The following SMAP2 variants were observed in gnomAD, a reference collection of about 807,000 sequenced individuals.
The protein encoded by SMAP2 is small ArfGAP2.
In SMAP2, 25 loss-of-function variants were observed where a neutral mutation model predicts 56.4. The ratio of observed to expected loss-of-function variants is 0.44; its 90% CI spans 0.32 to 0.62. The LOEUF is 0.62. SMAP2 is among the 20% of genes least tolerant of loss of function. The probability of loss-of-function intolerance (pLI) is 0.04; values close to 1 mark genes in which losing one functional copy is unlikely to be tolerated. For missense variants in SMAP2, 388 were observed against 545.6 expected, an observed-to-expected ratio of 0.71 and a Z score of 2.88; for synonymous variants, 157 against 181.7, an observed-to-expected ratio of 0.86 and a Z score of 1.09.
At chr1:40,348,700 C>T (rs1264800585) in intron 1 of SMAP2, among the ~76,000 whole-genome samples, 1 of 151,778 alleles carries the variant, frequency 6.6e-6, no homozygotes, top group African/African-American at 2.4e-5. Flanking sequence ...AATTAATAAA[C>T]TTATGAAAAA....
chr1:40,346,002 A>C (rs1171772921), intron 1 of SMAP2, among the ~76,000 whole-genome samples: 6 of 113,106 alleles, frequency 5.3e-5, no homozygotes, highest in African/African-American at 2.0e-4. Context: ...TTTAAGAGAC[A>C]GGTCTTGCTG....
chr1:40,414,301 C>G, intron 6 of SMAP2, 61 bp downstream of exon 6: 1 of 1,501,080 alleles, frequency 6.7e-7, no homozygotes, highest in Admixed American at 1.7e-5. Flanking sequence ...CTCAGTGACC[C>G]TGGAAGATAG....
intron 1 of SMAP2, among the ~76,000 whole-genome samples, chr1:40,394,466 C>T (rs530451085): frequency 6.6e-6 from 1 of 152,162 alleles, no homozygotes; most frequent in Non-Finnish European, 1.5e-5. Flanking sequence ...AGGGACTGGC[C>T]TCTAACGGAA....
rs569806286 is a variant in SMAP2, at chr1:40,386,191, G to A, written c.103+11968G>A. 7.9e-5 allele frequency among the ~76,000 whole-genome samples: 12 copies of A among 152,276 alleles called. No individual in the cohort carries two copies. The highest frequency in any genetic ancestry group is 3.3e-4 in the Admixed American group (5 of 15,298). ...AATAGCTGAAAACAGCAGAGCTGACGGAAACCAATTTGAGTGTGACAGCTG... is the reference window on the plus strand; with the variant it reads ...AATAGCTGAAAACAGCAGAGCTGACAGAAACCAATTTGAGTGTGACAGCTG... On this transcript the variant is annotated intron_variant, in intron 1 of 9. Coordinates refer to ENST00000372718, the MANE Select transcript of SMAP2 (RefSeq NM_022733.3). The surrounding 1 kb of genome is among the most constrained non-coding windows in gnomAD (Gnocchi z 4.1).
Position 40,409,883 on chromosome 1 carries a change from A to G in SMAP2, c.402+48A>G, listed in dbSNP as rs201075963. 26 of 1,232,222 alleles carry G rather than the reference A, an allele frequency of 2.1e-5. No homozygotes were observed. The Middle Eastern group carries it at 5.6e-4, about 27-fold the overall frequency. 76.3% of individuals were successfully genotyped at this position (1,232,222 alleles called of 1,614,324 possible). On this transcript the variant is annotated intron_variant, in intron 4 of 9. Transcript: ENST00000372718. ...TTTGTCCACAATAAGTAATGTGCTT[A>G]TTAAATCAGGCCAGAGAACACGTTG...
intron 1 of SMAP2, among the ~76,000 whole-genome samples, chr1:40,351,029 A>G (rs1644407235): frequency 6.6e-6 from 1 of 152,208 alleles, no homozygotes; most frequent in African/African-American, 2.4e-5. Flanking sequence ...CTCCTTACCC[A>G]GAATCACAAG....
Position 40,356,595 on chromosome 1 carries a change from A to G in SMAP2, c.-82-5705A>G, listed in dbSNP as rs565293630. On this transcript the variant is annotated intron_variant, in intron 1 of 6. Coordinates refer to the SMAP2 transcript ENST00000435168. ...CCAGCTAATTTTTTGTATTTTTGGT[A>G]GAGACGGGGTTTCACTGTGTCAACC... Among the ~76,000 whole-genome samples the G allele has an allele frequency of 8.6e-5, 13 of 152,040 alleles. No individual in the cohort carries two copies. The South Asian group carries it at 2.3e-3, about 27-fold the overall frequency.
intron 1 of SMAP2, among the ~76,000 whole-genome samples, chr1:40,361,930 G>A (rs1644461731): frequency 6.6e-6 from 1 of 152,196 alleles, no homozygotes; most frequent in African/African-American, 2.4e-5. Flanking sequence ...GAAGCCTGTG[G>A]CCAATGCAAA....
At chr1:40,417,260 G>C (rs1644998682) in intron 9 of SMAP2, among the ~76,000 whole-genome samples, 164 bp downstream of exon 9, 1 of 131,910 alleles carries the variant, frequency 7.6e-6, no homozygotes, top group Non-Finnish European at 1.6e-5. Context: ...TAGAAGGTCT[G>C]TCTAAAGTCA....
Position 40,386,773 on chromosome 1 carries a change from A to G in SMAP2, c.103+12550A>G, listed in dbSNP as rs1252278285. 6.6e-6 allele frequency among the ~76,000 whole-genome samples: 1 copy of G among 151,936 alleles called. No individual in the cohort carries two copies. On this transcript the variant is annotated intron_variant, in intron 1 of 9. Transcript: ENST00000372718. The surrounding 1 kb of genome is among the most constrained non-coding windows in gnomAD (Gnocchi z 4.1). Reference sequence around the variant, plus strand: ...TAAAACAACAACAACTTTATCTTTTATGATTCTGAAACCTATCCACGATAA... The same window carrying G: ...TAAAACAACAACAACTTTATCTTTTGTGATTCTGAAACCTATCCACGATAA...
intron 4 of SMAP2, among the ~76,000 whole-genome samples, chr1:40,411,758 A>G (rs1644937829): frequency 1.3e-5 from 2 of 152,236 alleles, no homozygotes; most frequent in Admixed American, 6.5e-5. Flanking sequence ...TTTAACTTAA[A>G]TGAAATGTCG....
chr1:40,396,583 T>C (rs1319589947), intron 1 of SMAP2, among the ~76,000 whole-genome samples: 6 of 152,248 alleles, frequency 3.9e-5, no homozygotes. Flanking sequence ...ACAACATTCT[T>C]GCAAGATGGC....
intron 8 of SMAP2, 140 bp downstream of exon 8, chr1:40,416,481 A>G (rs1644988423): frequency 1.1e-6 from 1 of 906,778 alleles, no homozygotes; most frequent in Non-Finnish European, 1.7e-6. Flanking sequence ...TGACCAACGT[A>G]TCAGCAGATG....
At chr1:40,392,422 T>C (rs952540147) in intron 1 of SMAP2, among the ~76,000 whole-genome samples, 1 of 152,124 alleles carries the variant, frequency 6.6e-6, no homozygotes, top group Admixed American at 6.5e-5. Context: ...TTTGCTGGAG[T>C]AATTACCCAC....
intron 1 of SMAP2, among the ~76,000 whole-genome samples, chr1:40,389,169 G>A (rs1644691689): frequency 6.6e-6 from 1 of 152,196 alleles, no homozygotes; most frequent in African/African-American, 2.4e-5. Context: ...TTATATACCT[G>A]ATGTGCGGAA....
intron 1 of SMAP2, among the ~76,000 whole-genome samples, chr1:40,357,091 A>T (rs187498921): frequency 1.3e-5 from 2 of 152,174 alleles, no homozygotes. Flanking sequence ...AATGGTTTGC[A>T]CATTTTTTTC....
At position 40,374,334 on chromosome 1, in the gene SMAP2, T is replaced by C. The variant is rs1569836419; in HGVS notation, c.103+111T>C. On this transcript the variant is annotated intron_variant, in intron 1 of 9. Coordinates refer to ENST00000372718, the MANE Select transcript of SMAP2 (RefSeq NM_022733.3). This position sits in a 1 kb window ranked among gnomAD's most constrained non-coding sequence, Gnocchi z 5.9. Reference sequence around the variant, plus strand: ...TAGGCCGCCCAACTCGGCTTATAAGTGGTAACGCGTGCTGCGCTTGCAGTG... The same window carrying C: ...TAGGCCGCCCAACTCGGCTTATAAGCGGTAACGCGTGCTGCGCTTGCAGTG... The C allele has an allele frequency of 2.3e-6, 2 of 877,578 alleles. No individual in the cohort carries two copies. Among genetic ancestry groups the C allele is most frequent in the Non-Finnish European group, 3.7e-6 (2 of 539,242 alleles). The allele number at this position is 877,578 out of a possible 1,614,324, so 54.4% of individuals were successfully genotyped here.
chr1:40,352,305 C>T (rs1644412155), intron 1 of SMAP2, among the ~76,000 whole-genome samples: 1 of 152,046 alleles, frequency 6.6e-6, no homozygotes, highest in Non-Finnish European at 1.5e-5. Flanking sequence ...TGGCCCTCAC[C>T]CTCTGTCCAG....
intron 9 of SMAP2, 75 bp from the exon 10 acceptor site, chr1:40,421,901 A>C: frequency 6.4e-7 from 1 of 1,555,264 alleles, no homozygotes; most frequent in Non-Finnish European, 8.8e-7. Flanking sequence ...AGAGAAAGGG[A>C]CTCTCACCCT....
Sources: allele counts gnomAD v4.1 joint callset (sites outside exome capture counted in the v4.1 genomes callset), GRCh38; gene constraint gnomAD v4.1.1; non-coding constraint Gnocchi (gnomAD v3.1); transcripts MANE v1.5; gene names NCBI Gene and HGNC (gene_info 2026-07-23, HGNC 2026-07-21).